The following GNAQ variants were observed in gnomAD, a reference collection of about 807,000 sequenced individuals.
GNAQ encodes the protein guanine nucleotide-binding protein G(q) subunit alpha.
A neutral mutation model predicts 43.9 loss-of-function variants in GNAQ; 8 were observed. The ratio of observed to expected loss-of-function variants is 0.18; its 90% confidence interval spans 0.11 to 0.33. GNAQ has a LOEUF of 0.33. Ranked by LOEUF, GNAQ falls within the 10% of genes least tolerant of loss-of-function variation. GNAQ has a pLI of 1.00. For missense variants in GNAQ, 158 were observed against 450.8 expected, an observed-to-expected ratio of 0.35 and a Z score of 5.88; for synonymous variants, 155 against 170.7, an observed-to-expected ratio of 0.91 and a Z score of 0.71.
intron 1 of GNAQ, among the ~76,000 whole-genome samples, chr9:77,979,264 G>C (rs1019596180): frequency 1.5e-4 from 23 of 151,550 alleles, no homozygotes; most frequent in African/African-American, 4.1e-4. Context: ...GCTGAGGCTG[G>C]AGAATTGCTT....
At chr9:78,027,047 A>C (rs1281819522) in intron 1 of GNAQ, among the ~76,000 whole-genome samples, 1 of 152,206 alleles carries the variant, frequency 6.6e-6, no homozygotes. Context: ...AGTAATAAAA[A>C]TATAGAATGG....
intron 5 of GNAQ, among the ~76,000 whole-genome samples, chr9:77,740,962 A>G (rs1825645094): frequency 6.6e-6 from 1 of 152,248 alleles, no homozygotes; most frequent in African/African-American, 2.4e-5. Context: ...GCACCTCTAG[A>G]CAATATACAA....
intron 1 of GNAQ, among the ~76,000 whole-genome samples, chr9:78,012,731 T>C (rs911157817): frequency 6.6e-6 from 1 of 152,168 alleles, no homozygotes; most frequent in African/African-American, 2.4e-5. Context: ...TATACATATA[T>C]GTACACAATT....
rs1826242730 is a variant in GNAQ, at chr9:77,772,557, T to C, written c.735+21906A>G. ...GTGGAATAGAAACTCCCTTTTCTCT[T>C]GGGTTGCAAGGCTGAGCAGGTACAA... On this transcript the variant is annotated intron_variant, in intron 5 of 6. Transcript: ENST00000286548. 1.3e-5 allele frequency among the ~76,000 whole-genome samples: 2 copies of C among 152,198 alleles called. 1 individual carries two copies. Among genetic ancestry groups the C allele is most frequent in the Admixed American group, 1.3e-4 (2 of 15,286 alleles).
At chr9:77,851,915 G>T (rs556976148) in intron 2 of GNAQ, among the ~76,000 whole-genome samples, 5 of 152,126 alleles carry the variant, frequency 3.3e-5, no homozygotes, top group Admixed American at 6.5e-5. Context: ...GGCTTGAAAG[G>T]TTTTCTTTTC....
intron 1 of GNAQ, among the ~76,000 whole-genome samples, chr9:77,955,565 G>A (rs1823031770): frequency 6.6e-6 from 1 of 152,144 alleles, no homozygotes; most frequent in Non-Finnish European, 1.5e-5. Context: ...ATCTATTAAT[G>A]CAAAATTTGG....
chr9:77,809,048 A>G (rs1281388579), intron 3 of GNAQ, among the ~76,000 whole-genome samples: 1 of 152,148 alleles, frequency 6.6e-6, no homozygotes, highest in Non-Finnish European at 1.5e-5. Context: ...GTGTTACCCT[A>G]TCTCTGAAAT....
chr9:78,001,808 CAA>C (rs1264411073), intron 1 of GNAQ, among the ~76,000 whole-genome samples: 2 of 152,040 alleles, frequency 1.3e-5, no homozygotes, highest in Non-Finnish European at 1.5e-5. Context: ...TAAATTTAAC[CAA>C]CATTCCAAGA....
rs1825270845 is a variant in GNAQ, at chr9:77,719,130, T to C, written c.*2193A>G. On this transcript the variant is annotated 3_prime_UTR_variant, in exon 7 of 7. Coordinates refer to ENST00000286548, the MANE Select transcript of GNAQ (RefSeq NM_002072.5). ...ATGACAGTAAGGTTTTTTTTTTTTCTTCTTTTCTAAATGGAAAGAAAATAT... is the reference window on the plus strand; with the variant it reads ...ATGACAGTAAGGTTTTTTTTTTTTCCTCTTTTCTAAATGGAAAGAAAATAT... 1 of 231,164 alleles carries C rather than the reference T, an allele frequency of 4.3e-6. No individual in the cohort carries two copies. Among genetic ancestry groups the C allele is most frequent in the Admixed American group, 5.7e-5 (1 of 17,676 alleles). The allele number at this position is 231,164 out of a possible 1,614,324, so 14.3% of individuals were successfully genotyped here.
chr9:77,757,447 C>G (rs550060725), intron 5 of GNAQ, among the ~76,000 whole-genome samples: 1 of 152,156 alleles, frequency 6.6e-6, no homozygotes. Context: ...CTAAGTCATT[C>G]GCTCTCTCCC....
chr9:77,856,369 A>T (rs2117953837), intron 2 of GNAQ, among the ~76,000 whole-genome samples: 1 of 152,302 alleles, frequency 6.6e-6, no homozygotes, highest in South Asian at 2.1e-4. Flanking sequence ...GAATTGGAAA[A>T]TTTCAAAATA....
chr9:77,961,493 A>G (rs1214471787), intron 1 of GNAQ, among the ~76,000 whole-genome samples: 1 of 152,206 alleles, frequency 6.6e-6, no homozygotes, highest in African/African-American at 2.4e-5. Flanking sequence ...ATAATGATCT[A>G]CACGTGAGTG....
At chr9:77,909,538 C>T (rs550667886) in intron 2 of GNAQ, among the ~76,000 whole-genome samples, 9 of 152,230 alleles carry the variant, frequency 5.9e-5, no homozygotes, top group Middle Eastern at 6.8e-3. Context: ...TACTTTTTAC[C>T]ACAAAGGAAG....
At chr9:77,870,324 G>GTTTTT (rs781464413) in intron 2 of GNAQ, among the ~76,000 whole-genome samples, 1 of 111,124 alleles carries the variant, frequency 9.0e-6, no homozygotes, top group Non-Finnish European at 1.8e-5. Flanking sequence ...TTTGGTGCTA[G>GTTTTT]TTTTTTTTTT....
intron 2 of GNAQ, among the ~76,000 whole-genome samples, chr9:77,821,110 A>G (rs926455287): frequency 6.6e-6 from 1 of 152,228 alleles, no homozygotes; most frequent in East Asian, 1.9e-4. Context: ...ACTGCCACAT[A>G]TCCTTTCATT....
rs148967255 is a variant in GNAQ, at chr9:77,914,014, A to G, written c.321+8147T>C. ...ACTTAGATGTACATCCTAGAAAGGC[A>G]ATATGGCATGCCTTGGGATTACGAA... On this transcript the variant is annotated intron_variant, in intron 2 of 6. Transcript: ENST00000286548. Among the ~76,000 whole-genome samples the G allele has an allele frequency of 2.7e-3, 411 of 152,320 alleles. 2 individuals carry two copies. Among genetic ancestry groups the G allele is most frequent in the Admixed American group, 6.2e-3 (95 of 15,300 alleles).
intron 3 of GNAQ, among the ~76,000 whole-genome samples, chr9:77,800,459 A>C (rs574989853): frequency 1.5e-3 from 233 of 152,150 alleles, no homozygotes; most frequent in Non-Finnish European, 2.7e-3. Context: ...CATTCTCAGT[A>C]AACTATCGCA....
At chr9:77,764,353 T>G (rs931681085) in intron 5 of GNAQ, among the ~76,000 whole-genome samples, 13 of 152,220 alleles carry the variant, frequency 8.5e-5, no homozygotes, top group Non-Finnish European at 1.6e-4. Flanking sequence ...TCCAAAGATC[T>G]TTCACAAGGG....
intron 3 of GNAQ, among the ~76,000 whole-genome samples, chr9:77,815,202 T>C (rs922783312): frequency 1.3e-5 from 2 of 152,184 alleles, no homozygotes; most frequent in Admixed American, 6.5e-5. Context: ...CAAACATATT[T>C]TTTGTTTGCA....
Sources: gnomAD v4.1 joint callset for allele counts (sites outside exome capture counted in the v4.1 genomes callset) on GRCh38, gnomAD v4.1.1 for gene constraint, MANE v1.5 for transcripts, NCBI Gene and HGNC (gene_info 2026-07-23, HGNC 2026-07-21) for gene names.